The following AEBP2 variants were observed in gnomAD, a reference collection of about 807,000 sequenced individuals.
The protein encoded by AEBP2 is zinc finger protein AEBP2.
AEBP2 carries 10 observed loss-of-function variants against 50.8 expected under a neutral mutation model. The observed-to-expected ratio is 0.20, with a 90% CI of 0.12 to 0.33. AEBP2 has a LOEUF of 0.33. Ranked by LOEUF, AEBP2 falls within the 10% of genes least tolerant of loss-of-function variation. AEBP2 has a pLI of 1.00. For missense variants in AEBP2, 570 were observed against 688.0 expected (o/e 0.83, Z 1.92); for synonymous variants, 296 against 261.3 (o/e 1.13, Z -1.28).
intron 3 of AEBP2, among the ~76,000 whole-genome samples, chr12:19,486,445 A>G (rs1486182407): frequency 6.6e-6 from 1 of 151,932 alleles, no homozygotes; most frequent in East Asian, 1.9e-4. Context: ...ATGTTGGAGT[A>G]CAGTGGCCTG....
intron 1 of AEBP2, among the ~76,000 whole-genome samples, chr12:19,426,998 ACT>A (rs1266690685): frequency 5.9e-5 from 9 of 152,220 alleles, no homozygotes; most frequent in African/African-American, 2.2e-4. Context: ...AAAGATCTAC[ACT>A]CATAAATGTG....
chr12:19,421,363 A>C (rs999519775), intron 1 of AEBP2, among the ~76,000 whole-genome samples: 3,313 of 150,950 alleles, frequency 0.022, 50 homozygotes, highest in East Asian at 0.045. Flanking sequence ...AAAAAAAAAA[A>C]AAAGAAACAA....
At chr12:19,500,667 A>G (rs1565733287) in intron 5 of AEBP2, among the ~76,000 whole-genome samples, 1 of 152,164 alleles carries the variant, frequency 6.6e-6, no homozygotes, top group Non-Finnish European at 1.5e-5. Flanking sequence ...GTTAAACAGA[A>G]TATAAGATTA....
intron 1 of AEBP2, among the ~76,000 whole-genome samples, chr12:19,425,080 A>G (rs1039807357): frequency 6.6e-6 from 1 of 152,184 alleles, no homozygotes; most frequent in Non-Finnish European, 1.5e-5. Flanking sequence ...TTTCTCTGTC[A>G]TGTAACAGTC....
rs768236020 is a variant in AEBP2 at position 19,448,971 on chromosome 12, C to T, written c.671+8601C>T. Among the ~76,000 whole-genome samples, 11 of 152,296 alleles carry T rather than the reference C, an allele frequency of 7.2e-5. 1 individual carries two copies. The highest frequency in any genetic ancestry group is 1.6e-4 in the Non-Finnish European group (11 of 68,034). ...CAGGGATTACAGGTGTGAGCCACCA[C>T]ACCTGGCCATCATTACTTTTCATAA... On this transcript the variant is annotated intron_variant, in intron 1 of 7. Coordinates refer to ENST00000266508, the MANE Select transcript of AEBP2 (RefSeq NM_153207.5).
intron 1 of AEBP2, among the ~76,000 whole-genome samples, chr12:19,431,783 T>C (rs760561859): frequency 7.2e-5 from 11 of 152,214 alleles, no homozygotes; most frequent in Non-Finnish European, 1.0e-4. Context: ...TAAGATGTTA[T>C]CTCTTTTTAT....
chr12:19,480,063 T>C (rs1362916163), intron 3 of AEBP2, among the ~76,000 whole-genome samples: 2 of 151,998 alleles, frequency 1.3e-5, no homozygotes, highest in Non-Finnish European at 1.5e-5. Flanking sequence ...CATTGTGTTA[T>C]TGTTTTATAG....
chr12:19,432,577 C>T (rs1688209594), intron 1 of AEBP2, among the ~76,000 whole-genome samples: 1 of 151,992 alleles, frequency 6.6e-6, no homozygotes, highest in South Asian at 2.1e-4. Flanking sequence ...ACCTGTAGTA[C>T]CAGCTACTCA....
At position 19,461,270 on chromosome 12, in the gene AEBP2, T is replaced by G. The variant is rs57352699; in HGVS notation, c.672-1240T>G. 7.9e-3 allele frequency among the ~76,000 whole-genome samples: 1,210 copies of G among 152,244 alleles called. 14 individuals carry two copies. The highest frequency in any genetic ancestry group is 0.024 in the African/African-American group (1,012 of 41,554). ...CTTGACCCTTATGATTGAAGTGACT[T>G]TCATGTAATTTATTTATTGAGAAGA... is the stretch of plus-strand genomic sequence containing the variant. On this transcript the variant is annotated intron_variant, in intron 1 of 7. Coordinates refer to ENST00000266508, the MANE Select transcript of AEBP2 (RefSeq NM_153207.5).
At chr12:19,449,852 A>G (rs1344398430) in intron 1 of AEBP2, among the ~76,000 whole-genome samples, 1 of 152,210 alleles carries the variant, frequency 6.6e-6, no homozygotes, top group Non-Finnish European at 1.5e-5. Context: ...GCTAAAAATG[A>G]TGAGCATTTA....
In AEBP2 at chr12:19,514,794, T is replaced by C; in HGVS notation, c.1481+10T>C. The C allele has an allele frequency of 1.3e-6, 2 of 1,580,652 alleles. No individual in the cohort carries two copies. The highest frequency in any genetic ancestry group is 1.7e-6 in the Non-Finnish European group (2 of 1,158,156). Reference sequence around the variant, plus strand: ...ACCCAAACATATACAGGTAATTTAATTCTTGCCTTTATGTTTTACTTTTTG... The same window carrying C: ...ACCCAAACATATACAGGTAATTTAACTCTTGCCTTTATGTTTTACTTTTTG... On this transcript the variant is annotated intron_variant, in intron 7 of 7. Coordinates refer to ENST00000266508, the MANE Select transcript of AEBP2 (RefSeq NM_153207.5).
chr12:19,447,085 C>T (rs1010335328), intron 1 of AEBP2, among the ~76,000 whole-genome samples: 12 of 152,166 alleles, frequency 7.9e-5, no homozygotes, highest in African/African-American at 2.7e-4. Flanking sequence ...CAGGAATGAG[C>T]GTAGCATGTT....
At chr12:19,516,250 TGA>T (rs1421447877) in intron 7 of AEBP2, among the ~76,000 whole-genome samples, 1 of 152,166 alleles carries the variant, frequency 6.6e-6, no homozygotes, top group Non-Finnish European at 1.5e-5. Context: ...GAAAAATAAT[TGA>T]GTGTTGTTGA....
At chr12:19,483,834 A>T (rs928081322) in intron 3 of AEBP2, among the ~76,000 whole-genome samples, 3 of 152,154 alleles carry the variant, frequency 2.0e-5, no homozygotes, top group Non-Finnish European at 4.4e-5. Flanking sequence ...CATTTTGTAC[A>T]TGTATAATTA....
In AEBP2 at chr12:19,456,350, A is replaced by G; in HGVS notation, c.672-6160A>G. ...CATCCACTGCAACTGTCTGTCTCAT[A>G]TCATGAACAGCAGCGCGACCCAGAG... On this transcript the variant is annotated intron_variant, in intron 1 of 7. Transcript: ENST00000266508. 2.1e-6 allele frequency: 3 copies of G among 1,400,250 alleles called. No individual in the cohort carries two copies. In the East Asian group the frequency reaches 6.9e-5, roughly 32 times the overall value. 86.7% of individuals were successfully genotyped at this position (1,400,250 alleles called of 1,614,324 possible). A position where few individuals can be genotyped will look rare whatever the true frequency, so the allele number is the denominator to read the frequency against.
intron 2 of AEBP2, 142 bp downstream of exon 2, chr12:19,462,859 T>G (rs978636431): frequency 1.3e-6 from 1 of 747,756 alleles, no homozygotes; most frequent in African/African-American, 1.8e-5. Flanking sequence ...TTTTAATAAT[T>G]ATTTCCCATA....
intron 1 of AEBP2, among the ~76,000 whole-genome samples, chr12:19,430,976 C>T (rs535903100): frequency 6.9e-6 from 1 of 145,584 alleles, no homozygotes; most frequent in Admixed American, 7.0e-5. Flanking sequence ...TGAGCCACTG[C>T]ACTCCAGTCC....
In AEBP2 at chr12:19,521,484, A is replaced by G. The variant is rs760394316; in HGVS notation, c.*3367A>G. 8 of 152,170 alleles carry G rather than the reference A, an allele frequency of 5.3e-5. No individual in the cohort carries two copies. Among genetic ancestry groups the G allele is most frequent in the Non-Finnish European group, 1.0e-4 (7 of 68,020 alleles). The allele number at this position is 152,170 out of a possible 1,614,324, so 9.4% of individuals were successfully genotyped here. A position where few individuals can be genotyped will look rare whatever the true frequency, so the allele number is the denominator to read the frequency against. ...ACCGTAAGGCACATCTGCTTTATCTAAAAGAATCTTAAGGTGGAAATAGTG... is the reference window on the plus strand; with the variant it reads ...ACCGTAAGGCACATCTGCTTTATCTGAAAGAATCTTAAGGTGGAAATAGTG... On this transcript the variant is annotated 3_prime_UTR_variant, in exon 8 of 8. Coordinates refer to ENST00000266508, the MANE Select transcript of AEBP2 (RefSeq NM_153207.5).
At chr12:19,510,304 A>C (rs1949215045) in intron 5 of AEBP2, among the ~76,000 whole-genome samples, 1 of 152,264 alleles carries the variant, frequency 6.6e-6, no homozygotes, top group East Asian at 1.9e-4. Context: ...TAGAGTAAGC[A>C]CTCAGCATTT....
Sources: gnomAD v4.1 joint callset for allele counts (sites outside exome capture counted in the v4.1 genomes callset) on GRCh38, gnomAD v4.1.1 for gene constraint, MANE v1.5 for transcripts, NCBI Gene and HGNC (gene_info 2026-07-23, HGNC 2026-07-21) for gene names.